MTHFD2L: variants seen among roughly 807,000 people sequenced by gnomAD.
MTHFD2L encodes methylenetetrahydrofolate dehydrogenase (NADP+ dependent) 2 like.
Under a neutral mutation model 34.9 loss-of-function variants are expected in MTHFD2L, and 29 were observed. The ratio of observed to expected loss-of-function variants is 0.83; its 90% CI spans 0.62 to 1.13. MTHFD2L has a LOEUF of 1.13. Ranked by LOEUF, MTHFD2L falls within the 50% of genes most tolerant of loss-of-function variation. MTHFD2L has a pLI of 0.00. For missense variants in MTHFD2L, 481 were observed against 446.5 expected, an observed-to-expected ratio of 1.08 and a Z score of -0.70; for synonymous variants, 167 against 155.7, an observed-to-expected ratio of 1.07 and a Z score of -0.54.
chr4:74,200,060 A>T (rs1288645026), intron 4 of MTHFD2L, 114 bp downstream of exon 4: 7 of 903,054 alleles, frequency 7.8e-6, no homozygotes, highest in Non-Finnish European at 1.0e-5. Flanking sequence ...ATCATAATCC[A>T]TAAAACGTCA....
chr4:74,296,368 A>T (rs1749634328), intron 7 of MTHFD2L, among the ~76,000 whole-genome samples: 1 of 152,138 alleles, frequency 6.6e-6, no homozygotes, highest in Non-Finnish European at 1.5e-5. Flanking sequence ...ACTGTAGTAG[A>T]TTATAAAAAA....
rs568682272 is a variant in MTHFD2L, at chr4:74,246,954, C to T, written c.805+21560C>T. Among the ~76,000 whole-genome samples, 175 of 152,148 alleles carry T rather than the reference C, an allele frequency of 1.2e-3. 1 individual carries two copies. The highest frequency in any genetic ancestry group is 4.0e-3 in the African/African-American group (168 of 41,518). ...TTCCTTTGGCTTAGGATTGACTTGGCGATGCGGCCTCTTTTTTGGTTCCAT... is the reference window on the plus strand; with the variant it reads ...TTCCTTTGGCTTAGGATTGACTTGGTGATGCGGCCTCTTTTTTGGTTCCAT... On this transcript the variant is annotated intron_variant, in intron 6 of 7. Transcript: ENST00000325278.
chr4:74,209,231 T>C (rs2110078336), intron 5 of MTHFD2L, among the ~76,000 whole-genome samples: 1 of 152,274 alleles, frequency 6.6e-6, no homozygotes, highest in South Asian at 2.1e-4. Context: ...CTGGGATACA[T>C]GTGCAGAACG....
intron 1 of MTHFD2L, among the ~76,000 whole-genome samples, chr4:74,164,092 C>T (rs487335): frequency 0.98 from 149,942 of 152,266 alleles, 73,867 homozygotes; most frequent in East Asian, 1. Context: ...AGCCAGGATG[C>T]GTCTTGATCT....
At chr4:74,234,692 G>A (rs755403145) in intron 6 of MTHFD2L, among the ~76,000 whole-genome samples, 31 of 151,948 alleles carry the variant, frequency 2.0e-4, no homozygotes, top group Non-Finnish European at 3.4e-4. Context: ...CACTAGTGGA[G>A]GAGAAAGATG....
At chr4:74,207,167 T>C (rs1735485818) in intron 5 of MTHFD2L, among the ~76,000 whole-genome samples, 1 of 152,170 alleles carries the variant, frequency 6.6e-6, no homozygotes, top group Admixed American at 6.6e-5. Context: ...CTCAAAATGT[T>C]GAGATTACAG....
intron 6 of MTHFD2L, among the ~76,000 whole-genome samples, chr4:74,262,117 A>G (rs1284878624): frequency 6.6e-6 from 1 of 152,036 alleles, no homozygotes; most frequent in African/African-American, 2.4e-5. Context: ...TAAATAGGGT[A>G]GTGTCATTAA....
intron 1 of MTHFD2L, among the ~76,000 whole-genome samples, chr4:74,135,834 A>G (rs905228824): frequency 2.6e-5 from 4 of 152,254 alleles, no homozygotes; most frequent in Non-Finnish European, 5.9e-5. Flanking sequence ...AAATCAATAC[A>G]TGTTATACAC....
At chr4:74,287,888 CA>C (rs1166029351) in intron 7 of MTHFD2L, among the ~76,000 whole-genome samples, 1 of 152,196 alleles carries the variant, frequency 6.6e-6, no homozygotes, top group Non-Finnish European at 1.5e-5. Flanking sequence ...AATGCCATAA[CA>C]AAGTACCACA....
At chr4:74,144,568 G>T (rs1322721794) in intron 1 of MTHFD2L, among the ~76,000 whole-genome samples, 4 of 152,132 alleles carry the variant, frequency 2.6e-5, no homozygotes, top group African/African-American at 9.7e-5. Context: ...TGTTTCTTGT[G>T]CTTGGCATTC....
chr4:74,176,907 A>G (rs1729159662), intron 3 of MTHFD2L, among the ~76,000 whole-genome samples: 1 of 151,996 alleles, frequency 6.6e-6, no homozygotes, highest in South Asian at 2.1e-4. Context: ...TGTGGTATTA[A>G]TATTTTTCTT....
At chr4:74,158,001 G>C, upstream of MTHFD2L, 1 of 1,319,520 alleles carries the variant, frequency 7.6e-7, no homozygotes, top group Non-Finnish European at 1.1e-6. Flanking sequence ...ACCCCACTCT[G>C]CGTGTCTGCC....
intron 7 of MTHFD2L, among the ~76,000 whole-genome samples, chr4:74,295,223 A>G (rs1749485835): frequency 6.6e-6 from 1 of 151,916 alleles, no homozygotes; most frequent in South Asian, 2.1e-4. Flanking sequence ...TGTTTTCATC[A>G]TGTGCTTTGG....
upstream of MTHFD2L, among the ~76,000 whole-genome samples, chr4:74,119,294 T>G (rs1721710039): frequency 1.3e-5 from 2 of 152,230 alleles, no homozygotes; most frequent in Non-Finnish European, 2.9e-5. Flanking sequence ...CCCATTATTT[T>G]ATTTGTCACT....
chr4:74,300,012 G>A (rs1750097729), intron 7 of MTHFD2L, among the ~76,000 whole-genome samples: 1 of 151,942 alleles, frequency 6.6e-6, no homozygotes, highest in Non-Finnish European at 1.5e-5. Context: ...CCAGGTAGAA[G>A]GAACAGTTAG....
chr4:74,123,561 T>C (rs1337139955), upstream of MTHFD2L: 1 of 152,190 alleles, frequency 6.6e-6, no homozygotes, highest in African/African-American at 2.4e-5. Flanking sequence ...GATGTTGTCA[T>C]GAGTACAAAA....
At chr4:74,170,678 A>G (rs1356531478) in intron 1 of MTHFD2L, among the ~76,000 whole-genome samples, 1 of 152,168 alleles carries the variant, frequency 6.6e-6, no homozygotes, top group African/African-American at 2.4e-5. Flanking sequence ...CAAACCCCAT[A>G]TCTGATAAAG....
intron 2 of MTHFD2L, 78 bp downstream of exon 2, chr4:74,174,768 T>G: frequency 1.9e-6 from 2 of 1,046,264 alleles, no homozygotes; most frequent in Non-Finnish European, 1.3e-6. Context: ...TTATGAATGA[T>G]AATTATCAAA....
rs61311843 is a variant in MTHFD2L at position 74,302,645 on chromosome 4, G to A, written c.*836G>A. The A allele has an allele frequency of 3.4e-3, 520 of 152,194 alleles. 3 individuals carry two copies. Among genetic ancestry groups the A allele is most frequent in the African/African-American group, 0.012 (496 of 41,568 alleles). The allele number at this position is 152,194 out of a possible 1,614,324, so 9.4% of individuals were successfully genotyped here. Reference sequence around the variant, plus strand: ...TAAGTAAACAGAAAAAACTAAAGTTGTATTTTCCCACAAATATAGTATGAA... The same window carrying A: ...TAAGTAAACAGAAAAAACTAAAGTTATATTTTCCCACAAATATAGTATGAA... On this transcript the variant is annotated 3_prime_UTR_variant, in exon 8 of 8. Coordinates refer to ENST00000325278, the MANE Select transcript of MTHFD2L (RefSeq NM_001144978.3).
Sources: allele counts gnomAD v4.1 joint callset (sites outside exome capture counted in the v4.1 genomes callset), GRCh38; gene constraint gnomAD v4.1.1; transcripts MANE v1.5; gene names NCBI Gene and HGNC (gene_info 2026-07-23, HGNC 2026-07-21).